SIRPB2: variants seen among roughly 807,000 people sequenced by gnomAD.
The protein encoded by SIRPB2 is signal-regulatory protein beta-2.
Under a neutral mutation model 27.1 loss-of-function variants are expected in SIRPB2, and 18 were observed. The observed-to-expected ratio is 0.66, with a 90% CI of 0.46 to 0.98. The LOEUF (loss-of-function observed/expected upper bound fraction) is 0.98. SIRPB2 is among the 50% of genes least tolerant of loss of function. The pLI, the probability that SIRPB2 is intolerant of heterozygous loss-of-function variation, is 0.00. For missense variants in SIRPB2, 420 were observed against 417.4 expected (o/e 1.01, Z -0.06); for synonymous variants, 150 against 164.6 (o/e 0.91, Z 0.68).
Position 1,478,544 on chromosome 20 carries a change from G to A in SIRPB2, c.515C>T (p.Thr172Ile), listed in dbSNP as rs191414591. ...IQPQELVLGT[T>I]GDTVFLNCTV... is the part of the protein sequence containing the mutation. ...GCAGTTCAGAAAGACAGTGTCTCCA[G>A]TGGTCCCCAACACCAATTCCTGGGG... is the stretch of plus-strand genomic sequence containing the variant. The change falls in exon 3 of 5, where the codon ACT (threonine) becomes ATT (isoleucine). Residue 172 changes from threonine (T) to isoleucine (I), a missense_variant. Coordinates refer to ENST00000359801, the MANE Select transcript of SIRPB2 (RefSeq NM_001122962.2). 2.5e-5 allele frequency: 41 copies of A among 1,612,320 alleles called. No homozygotes were observed. In the East Asian group the frequency reaches 8.7e-4, roughly 34 times the overall value.
intron 1 of SIRPB2, among the ~76,000 whole-genome samples, chr20:1,482,890 T>C (rs2090686889): frequency 6.6e-6 from 1 of 152,152 alleles, no homozygotes; most frequent in African/African-American, 2.4e-5. Flanking sequence ...ACATTTGCAA[T>C]TGTGAATATT....
In SIRPB2 at chr20:1,475,084, T is replaced by C. The variant is rs1249746269; in HGVS notation, c.*1083A>G. The C allele has an allele frequency of 6.6e-6, 1 of 152,096 alleles. No homozygotes were observed. The highest frequency in any genetic ancestry group is 1.5e-5 in the Non-Finnish European group (1 of 68,052). The allele number at this position is 152,096 out of a possible 1,614,324, so 9.4% of individuals were successfully genotyped here. ...TAGATGGTGGTAGCACCCCCCCAGG[T>C]TGTGCCAACCAAAAACATCTCTAGA... On this transcript the variant is annotated 3_prime_UTR_variant, in exon 5 of 5. Transcript: ENST00000359801.
chr20:1,484,805 T>G (rs946256132), intron 1 of SIRPB2, among the ~76,000 whole-genome samples: 1 of 151,962 alleles, frequency 6.6e-6, no homozygotes, highest in African/African-American at 2.4e-5. Context: ...GTACAGCCAC[T>G]ATGAAAAACA....
chr20:1,474,199 C>T (rs2090591274), downstream of SIRPB2, among the ~76,000 whole-genome samples: 1 of 152,228 alleles, frequency 6.6e-6, no homozygotes, highest in Non-Finnish European at 1.5e-5. Context: ...AATTTAATCA[C>T]ACCTGTATAG....
chr20:1,476,251 C>A lies in SIRPB2; in HGVS notation c.945G>T (p.Arg315=), dbSNP rs770144819. 2.5e-6 allele frequency: 4 copies of A among 1,614,052 alleles called. No homozygotes were observed. The South Asian group carries it at 3.3e-5, about 13-fold the overall frequency. ...TGACATCTTCTTGCCCAGGGCTCCTCCGAGAGGTAGCCAGGGCCAGTAGGA... is the reference window on the plus strand; with the variant it reads ...TGACATCTTCTTGCCCAGGGCTCCTACGAGAGGTAGCCAGGGCCAGTAGGA... ...AALLLALATS[R]RSPGQEDVKT... The change falls in exon 5 of 5, where the codon CGG becomes CGT. Residue 315 remains arginine, a synonymous_variant. Transcript: ENST00000359801.
At chr20:1,474,510 T>C (rs1393166061), downstream of SIRPB2, 1 of 152,388 alleles carries the variant, frequency 6.6e-6, no homozygotes, top group Non-Finnish European at 1.5e-5. Context: ...GGAATTTACA[T>C]GTATCGAGTG....
chr20:1,488,717 A>G (rs1164957093), intron 1 of SIRPB2, among the ~76,000 whole-genome samples: 1 of 152,206 alleles, frequency 6.6e-6, no homozygotes, highest in Admixed American at 6.5e-5. Context: ...AAGATTGACC[A>G]TAATAAGTGT....
At chr20:1,481,197 G>A (rs1377380903) in intron 1 of SIRPB2, among the ~76,000 whole-genome samples, 1 of 151,534 alleles carries the variant, frequency 6.6e-6, no homozygotes, top group Non-Finnish European at 1.5e-5. Flanking sequence ...AATTTTTTTT[G>A]TAGTGATGGG....
At chr20:1,479,309 C>G (rs1230161795) in intron 2 of SIRPB2, 1 of 253,286 alleles carries the variant, frequency 3.9e-6, no homozygotes, top group East Asian at 9.8e-5. Context: ...CATCCACACT[C>G]TTACCTTTGG....
rs2090700540 is a variant in SIRPB2 at position 1,484,039 on chromosome 20, T to C, written c.86-3974A>G. Among the ~76,000 whole-genome samples the C allele has an allele frequency of 4.6e-5, 7 of 152,208 alleles. No individual in the cohort carries two copies. The South Asian group carries it at 1.4e-3, about 32-fold the overall frequency. On this transcript the variant is annotated intron_variant, in intron 1 of 4. Transcript: ENST00000359801. Reference sequence around the variant, plus strand: ...GGTATAATAGACCAATGGCACAGAATAGAAAACACAGAAATAAATCCATGT... The same window carrying C: ...GGTATAATAGACCAATGGCACAGAACAGAAAACACAGAAATAAATCCATGT...
chr20:1,484,752 A>G (rs1689309114), intron 1 of SIRPB2, among the ~76,000 whole-genome samples: 1 of 152,126 alleles, frequency 6.6e-6, no homozygotes, highest in Admixed American at 6.6e-5. Context: ...TAAGGTTGCA[A>G]AGAAAAGGAA....
In SIRPB2 at chr20:1,491,347, T is replaced by C; in HGVS notation, c.13A>G (p.Met5Val). MCST[M>V]SAPTCLAHLP... ...TGGGCCAGGCAGGTGGGGGCCGACA[T>C]CGTGGAGCACATGGCATCTTCTGTG... Residue 5 changes from methionine to valine, a missense_variant, in exon 1 of 5, where the codon ATG becomes GTG. By Grantham distance (21) the Met-to-Val change is conservative. Coordinates refer to ENST00000359801, the MANE Select transcript of SIRPB2 (RefSeq NM_001122962.2). 1.9e-6 allele frequency: 3 copies of C among 1,609,554 alleles called. No individual in the cohort carries two copies. Among genetic ancestry groups the C allele is most frequent in the Non-Finnish European group, 1.7e-6 (2 of 1,178,442 alleles).
At chr20:1,472,234 C>T (rs1178678216), downstream of SIRPB2, among the ~76,000 whole-genome samples, 1 of 152,182 alleles carries the variant, frequency 6.6e-6, no homozygotes, top group Non-Finnish European at 1.5e-5. Flanking sequence ...GGAGTTCTGT[C>T]TCCCATCCAT....
intron 1 of SIRPB2, among the ~76,000 whole-genome samples, chr20:1,482,769 A>ATTT (rs151295421): frequency 6.7e-6 from 1 of 150,282 alleles, no homozygotes; most frequent in African/African-American, 2.5e-5. Flanking sequence ...TGATTTCATT[A>ATTT]TTTTTTTTTC....
At chr20:1,480,619 G>T (rs527642377) in intron 1 of SIRPB2, among the ~76,000 whole-genome samples, 1 of 152,312 alleles carries the variant, frequency 6.6e-6, no homozygotes, top group East Asian at 1.9e-4. Context: ...GCAGGGGGAA[G>T]ACCATGTGAA....
At chr20:1,477,635 A>G (rs1310316599) in intron 3 of SIRPB2, among the ~76,000 whole-genome samples, 1 of 152,238 alleles carries the variant, frequency 6.6e-6, no homozygotes, top group Non-Finnish European at 1.5e-5. Context: ...ATAGTGCAGG[A>G]CACTCAACAG....
At chr20:1,479,584 T>C (rs986691185) in intron 2 of SIRPB2, 116 bp downstream of exon 2, 5 of 1,435,134 alleles carry the variant, frequency 3.5e-6, no homozygotes, top group African/African-American at 2.8e-5. Context: ...GATACAAATA[T>C]GTATTGTTGT....
intron 1 of SIRPB2, among the ~76,000 whole-genome samples, chr20:1,487,688 C>A (rs1482223464): frequency 6.6e-6 from 1 of 152,190 alleles, no homozygotes; most frequent in Non-Finnish European, 1.5e-5. Flanking sequence ...GGCTGGAGTG[C>A]AGTGCTATTT....
rs1003120658 is a variant in SIRPB2, at chr20:1,479,680, C to T, written c.451+20G>A. On this transcript the variant is annotated intron_variant, in intron 2 of 4. Coordinates refer to ENST00000359801, the MANE Select transcript of SIRPB2 (RefSeq NM_001122962.2). ...AAACAGACTGGAGCAAATGTGTGGT[C>T]TGCAGGGCCTGATCCTTACCCTTCA... The T allele has an allele frequency of 9.9e-6, 16 of 1,609,762 alleles. No homozygotes were observed. The highest frequency in any genetic ancestry group is 1.4e-5 in the Non-Finnish European group (16 of 1,177,550).
Sources: gnomAD v4.1 joint callset for allele counts (sites outside exome capture counted in the v4.1 genomes callset) on GRCh38, gnomAD v4.1.1 for gene constraint, MANE v1.5 for transcripts, NCBI Gene and HGNC (gene_info 2026-07-23, HGNC 2026-07-21) for gene names.